Variants in E2F7 observed in about 807,000 individuals in gnomAD.
E2F7 encodes E2F transcription factor 7.
Under a neutral mutation model 81.1 loss-of-function variants are expected in E2F7, and 35 were observed. The observed-to-expected ratio is 0.43, with a 90% CI of 0.33 to 0.57. The LOEUF (loss-of-function observed/expected upper bound fraction) is 0.57, where lower values mean the gene tolerates loss of function less well. Among genes scored for constraint, E2F7 ranks in the 20% least tolerant of loss-of-function variants. The pLI is 0.04. For synonymous variants in E2F7, 416 were observed against 416.2 expected (o/e 1.00, Z 0.01); for missense variants, 961 against 1,093.7 (o/e 0.88, Z 1.71).
chr12:77,023,677 C>T lies in E2F7; in HGVS notation c.*338G>A, dbSNP rs1449592543. The T allele has an allele frequency of 2.1e-5, 4 of 192,824 alleles. No individual in the cohort carries two copies. The highest frequency in any genetic ancestry group is 1.2e-4 in the Admixed American group (2 of 17,246). The allele number at this position is 192,824 out of a possible 1,614,324, so 11.9% of individuals were successfully genotyped here. On this transcript the variant is annotated 3_prime_UTR_variant, in exon 13 of 13. Transcript: ENST00000322886. ...TGGAAATACATGTTAAGAATGCTTA[C>T]CCTAGTTAAGTGCTAGACAGCGCCC...
At chr12:77,043,271 A>G (rs1954909264) in intron 6 of E2F7, 72 bp from the exon 7 acceptor site, 2 of 1,597,356 alleles carry the variant, frequency 1.3e-6, no homozygotes, top group African/African-American at 1.3e-5. Context: ...TGTGACAGGT[A>G]ACTTTTCTCG....
Position 77,025,429 on chromosome 12 carries a change from T to C in E2F7, c.2565+129A>G. ...TATAAAAGGAGCAGATAACTCTAGG[T>C]CTACAACGGAAGCCAGGTGGAGCCT... On this transcript the variant is annotated intron_variant, in intron 12 of 12. Coordinates refer to ENST00000322886, the MANE Select transcript of E2F7 (RefSeq NM_203394.3). 9.0e-6 allele frequency: 9 copies of C among 997,640 alleles called. No individual in the cohort carries two copies. The East Asian group carries it at 2.2e-4, about 24-fold the overall frequency. The allele number at this position is 997,640 out of a possible 1,614,324, so 61.8% of individuals were successfully genotyped here. A position where few individuals can be genotyped will look rare whatever the true frequency, so the allele number is the denominator to read the frequency against.
chr12:77,056,505 T>C (rs1169290162), intron 2 of E2F7, among the ~76,000 whole-genome samples: 1 of 152,324 alleles, frequency 6.6e-6, no homozygotes, highest in South Asian at 2.1e-4. Context: ...CATTGACTAG[T>C]GAAGAGCAAC....
intron 9 of E2F7, among the ~76,000 whole-genome samples, chr12:77,031,308 G>C (rs939392766): frequency 6.6e-6 from 1 of 152,176 alleles, no homozygotes; most frequent in Non-Finnish European, 1.5e-5. Context: ...TATGTTCTTA[G>C]TATATTTTTA....
Position 77,025,785 on chromosome 12 carries a change from G to A in E2F7, c.2338C>T (p.Pro780Ser), listed in dbSNP as rs149357353. 2.2e-5 allele frequency: 36 copies of A among 1,613,984 alleles called. No homozygotes were observed. Among genetic ancestry groups the A allele is most frequent in the Non-Finnish European group, 2.9e-5 (34 of 1,180,046 alleles). ...AGGCCAGGCAAGCTGAAATTCACAG[G>A]TCCTGTGTTTGGGAGAGCACCAAGA... Reference protein sequence around the residue: ...STLGALPNTGPVNFSLPGLGS... With the variant: ...STLGALPNTGSVNFSLPGLGS... Residue 780 changes from proline to serine, a missense_variant, in exon 12 of 13, where the codon CCT becomes TCT. By Grantham distance (74) the Pro-to-Ser change is moderately conservative. Coordinates refer to ENST00000322886, the MANE Select transcript of E2F7 (RefSeq NM_203394.3).
At chr12:77,051,501 G>C (rs540685080) in intron 3 of E2F7, among the ~76,000 whole-genome samples, 5 of 152,054 alleles carry the variant, frequency 3.3e-5, no homozygotes, top group African/African-American at 9.7e-5. Context: ...GTGGGGGCAG[G>C]GGGGAGGGAT....
In E2F7 at chr12:77,025,901, A is replaced by C; in HGVS notation, c.2222T>G (p.Phe741Cys). 1 of 1,614,132 alleles carries C rather than the reference A, an allele frequency of 6.2e-7. No individual in the cohort carries two copies. Among genetic ancestry groups the C allele is most frequent in the Non-Finnish European group, 8.5e-7 (1 of 1,180,010 alleles). The change falls in exon 12 of 13, where the codon TTC (phenylalanine) becomes TGC (cysteine). Residue 741 changes from phenylalanine (F) to cysteine (C), a missense_variant. By Grantham distance (205) the Phe-to-Cys change is radical. Around this residue, in one of 3 missense-constraint regions of E2F7, gnomAD observed 587 missense variants for 620.3 expected, o/e 0.95. Transcript: ENST00000322886. ...TGGTAAGACCATGCAAGGGACACTGAAAGACGGCAGCTGACCTGAGGACGG... is the reference window on the plus strand; with the variant it reads ...TGGTAAGACCATGCAAGGGACACTGCAAGACGGCAGCTGACCTGAGGACGG... ...VGPSSGQLPS[F>C]SVPCMVLPSP...
rs550462680 is a variant in E2F7 at position 77,049,289 on chromosome 12, T to C, written c.538+1287A>G. Among the ~76,000 whole-genome samples, 4 of 152,304 alleles carry C rather than the reference T, an allele frequency of 2.6e-5. No homozygotes were observed. In the East Asian group the frequency reaches 7.7e-4, roughly 29 times the overall value. On this transcript the variant is annotated intron_variant, in intron 4 of 12. Transcript: ENST00000322886. ...TTTCTTGATTAATTGCCCCCAATCC[T>C]AGAATACTATATTATACTTCTGGGC...
chr12:77,030,454 C>A, intron 9 of E2F7, 122 bp from the exon 10 acceptor site: 3 of 1,264,262 alleles, frequency 2.4e-6, no homozygotes, highest in Non-Finnish European at 3.2e-6. Flanking sequence ...GATACGAAAG[C>A]GCACTTGCTG....
intron 4 of E2F7, among the ~76,000 whole-genome samples, chr12:77,047,599 C>CAG (rs1419980701): frequency 6.6e-6 from 1 of 152,174 alleles, no homozygotes; most frequent in African/African-American, 2.4e-5. Flanking sequence ...ATAATCAGGG[C>CAG]AGACTCTGAA....
At position 77,029,799 on chromosome 12, in the gene E2F7, G is replaced by C. The variant is rs146629834; in HGVS notation, c.1884+32C>G. On this transcript the variant is annotated intron_variant, in intron 10 of 12. Transcript: ENST00000322886. ...GGAAGAAGCTCAGGGCTAACAGGAT[G>C]TCACCAGACACATCCACCTGCACTC... 26 of 1,609,328 alleles carry C rather than the reference G, an allele frequency of 1.6e-5. No individual in the cohort carries two copies. In the East Asian group the frequency reaches 5.8e-4, roughly 36 times the overall value.
In E2F7 at chr12:77,026,081, A is replaced by G. The variant is rs1030630369; in HGVS notation, c.2141-99T>C. On this transcript the variant is annotated intron_variant, in intron 11 of 12. Coordinates refer to ENST00000322886, the MANE Select transcript of E2F7 (RefSeq NM_203394.3). ...TGGCCCTTTCAAACGGGAGTCCACA[A>G]TAAATCAATGAATGATGAGACCTTC... The G allele has an allele frequency of 4.4e-6, 6 of 1,350,420 alleles. No individual in the cohort carries two copies. In the East Asian group the frequency reaches 1.3e-4, roughly 28 times the overall value. The allele number at this position is 1,350,420 out of a possible 1,614,324, so 83.7% of individuals were successfully genotyped here.
At chr12:77,056,616 C>T (rs1436610946) in intron 2 of E2F7, among the ~76,000 whole-genome samples, 1 of 152,190 alleles carries the variant, frequency 6.6e-6, no homozygotes, top group East Asian at 1.9e-4. Context: ...TTTAAGCCAA[C>T]CTAGAGAGCT....
Position 77,043,054 on chromosome 12 carries a change from C to G in E2F7, c.1123+11G>C. 6.2e-7 allele frequency: 1 copy of G among 1,613,942 alleles called. No individual in the cohort carries two copies. ...ATAAAACAGCCTGCTAGCAAAACCA[C>G]GCCACCTTACCACTTGAGCTGAAGT... On this transcript the variant is annotated intron_variant, in intron 7 of 12. Coordinates refer to ENST00000322886, the MANE Select transcript of E2F7 (RefSeq NM_203394.3).
intron 7 of E2F7, among the ~76,000 whole-genome samples, chr12:77,035,190 T>C (rs536649195): frequency 3.5e-3 from 528 of 152,288 alleles, no homozygotes; most frequent in African/African-American, 0.012. Context: ...ACAGAGACTG[T>C]AGGTCTCCCT....
At chr12:77,042,935 G>T in intron 7 of E2F7, 130 bp downstream of exon 7, 2 of 1,393,112 alleles carry the variant, frequency 1.4e-6, no homozygotes, top group Non-Finnish European at 2.0e-6. Context: ...TTCCAAGAGT[G>T]GAGTCACTAG....
chr12:77,046,499 A>G (rs1954943995), intron 4 of E2F7, among the ~76,000 whole-genome samples, 171 bp from the exon 5 acceptor site: 1 of 152,208 alleles, frequency 6.6e-6, no homozygotes, highest in Non-Finnish European at 1.5e-5. Context: ...AATATAAATT[A>G]TTTTTCTTTT....
Position 77,055,927 on chromosome 12 carries a change from C to G in E2F7, c.297G>C (p.Arg99Ser). The G allele has an allele frequency of 6.2e-7, 1 of 1,613,962 alleles. No individual in the cohort carries two copies. The highest frequency in any genetic ancestry group is 8.5e-7 in the Non-Finnish European group (1 of 1,180,002). Residue 99 changes from arginine (R) to serine (S), a missense_variant, in exon 3 of 13, where the codon AGG becomes AGC. Coordinates refer to ENST00000322886, the MANE Select transcript of E2F7 (RefSeq NM_203394.3). ...MLISAASPDI[R>S]DREKKKGLFR... ...ATAGTCCCTTTTTCTTCTCCCGGTC[C>G]CTTATATCTGGGCTGGCAGCACTAA... is the stretch of plus-strand genomic sequence containing the variant.
intron 4 of E2F7, among the ~76,000 whole-genome samples, chr12:77,046,678 A>ATAT (rs1491244893): frequency 6.6e-6 from 1 of 152,192 alleles, no homozygotes; most frequent in African/African-American, 2.4e-5. Context: ...AATACATGTA[A>ATAT]CAGTGTGCCT....
Sources: allele counts gnomAD v4.1 joint callset (sites outside exome capture counted in the v4.1 genomes callset), GRCh38; gene constraint gnomAD v4.1.1; regional missense constraint gnomAD v4.1.1; transcripts MANE v1.5; gene names NCBI Gene and HGNC (gene_info 2026-07-23, HGNC 2026-07-21).